Variants in SUGCT observed in about 807,000 individuals in gnomAD.
SUGCT encodes the protein succinyl-CoA:glutarate CoA-transferase.
A neutral mutation model predicts 55.0 loss-of-function variants in SUGCT; 41 were observed. That is an observed-to-expected ratio of 0.74 (90% CI 0.58 to 0.97). The LOEUF (loss-of-function observed/expected upper bound fraction) is 0.97. SUGCT is among the 50% of genes least tolerant of loss of function. SUGCT has a pLI of 0.00. For missense variants in SUGCT, 568 were observed against 547.8 expected (o/e 1.04, Z -0.37); for synonymous variants, 187 against 200.4 (o/e 0.93, Z 0.56).
chr7:40,734,886 C>A (rs903604110), intron 12 of SUGCT, among the ~76,000 whole-genome samples: 6 of 152,146 alleles, frequency 3.9e-5, no homozygotes, highest in Non-Finnish European at 7.4e-5. Flanking sequence ...CTCCCAAATT[C>A]TTGCCTAGAA....
At chr7:40,806,407 T>G (rs561858821) in intron 13 of SUGCT, among the ~76,000 whole-genome samples, 1 of 152,314 alleles carries the variant, frequency 6.6e-6, no homozygotes, top group African/African-American at 2.4e-5. Flanking sequence ...GAGATTCAAG[T>G]CAGCCTTAGT....
rs527972407 is a variant in SUGCT, at chr7:40,326,018, G to C, written c.816+9163G>C. On this transcript the variant is annotated intron_variant, in intron 9 of 13. Coordinates refer to ENST00000335693, the MANE Select transcript of SUGCT (RefSeq NM_001193313.2). ...GGTACCAAACCTAATAGCTGGCCTT[G>C]CTACAGAAGTATCTTTGAATTATGA... Among the ~76,000 whole-genome samples the C allele has an allele frequency of 1.1e-3, 173 of 150,526 alleles. 1 individual carries two copies. The highest frequency in any genetic ancestry group is 4.0e-3 in the African/African-American group (166 of 41,032).
chr7:40,581,366 T>C, intron 12 of SUGCT, among the ~76,000 whole-genome samples: 1 of 152,182 alleles, frequency 6.6e-6, no homozygotes, highest in Non-Finnish European at 1.5e-5. Context: ...AGGAGGTAGT[T>C]AGCCAGCTAA....
the SUGCT span, among the ~76,000 whole-genome samples, chr7:40,970,887 G>A: frequency 7.9e-5 from 12 of 152,144 alleles, no homozygotes; most frequent in Non-Finnish European, 1.5e-4. Flanking sequence ...TACATGCTGG[G>A]ACATCTTGTA....
the SUGCT span, among the ~76,000 whole-genome samples, chr7:40,970,328 T>C: frequency 6.6e-6 from 1 of 152,126 alleles, no homozygotes; most frequent in Non-Finnish European, 1.5e-5. Flanking sequence ...CTCGCCACCA[T>C]GCCCAGCTAA....
chr7:40,936,654 CT>C, the SUGCT span, among the ~76,000 whole-genome samples: 7,659 of 151,248 alleles, frequency 0.051, 195 homozygotes, highest in South Asian at 0.075. Context: ...GTTTAGTTAG[CT>C]TTTTTTTCTA....
chr7:40,593,285 G>A (rs78761507), intron 12 of SUGCT, among the ~76,000 whole-genome samples: 28 of 152,182 alleles, frequency 1.8e-4, no homozygotes, highest in East Asian at 5.8e-4. Flanking sequence ...ATTTCTCTCC[G>A]TTGCCTCCCC....
chr7:40,309,049 C>T lies in SUGCT; in HGVS notation c.721-7711C>T, dbSNP rs1386842988. Among the ~76,000 whole-genome samples, 3 of 152,136 alleles carry T rather than the reference C, an allele frequency of 2.0e-5. No homozygotes were observed. In the East Asian group the frequency reaches 5.8e-4, roughly 29 times the overall value. Reference sequence around the variant, plus strand: ...CTCCTAGATTTTCACAGGCCTTCTCCAGGTCTTAAGTTAAATATAACATCT... The same window carrying T: ...CTCCTAGATTTTCACAGGCCTTCTCTAGGTCTTAAGTTAAATATAACATCT... On this transcript the variant is annotated intron_variant, in intron 8 of 13. Transcript: ENST00000335693.
intron 13 of SUGCT, among the ~76,000 whole-genome samples, chr7:40,784,953 A>G (rs1584437376): frequency 6.6e-6 from 1 of 152,284 alleles, no homozygotes; most frequent in Middle Eastern, 3.4e-3. Flanking sequence ...ATGGACAGCA[A>G]AAATATTTTT....
intron 12 of SUGCT, among the ~76,000 whole-genome samples, chr7:40,693,444 T>A (rs1425303422): frequency 6.6e-6 from 1 of 152,114 alleles, no homozygotes; most frequent in African/African-American, 2.4e-5. Flanking sequence ...GGTAACCATA[T>A]AAGGTAGTGC....
At chr7:40,187,015 G>A (rs1397963833) in intron 3 of SUGCT, among the ~76,000 whole-genome samples, 2 of 152,156 alleles carry the variant, frequency 1.3e-5, no homozygotes, top group East Asian at 1.9e-4. Context: ...GTTCACAATA[G>A]CAAAGACTTG....
chr7:40,373,013 A>G (rs1047885719), intron 9 of SUGCT, among the ~76,000 whole-genome samples: 13 of 152,058 alleles, frequency 8.5e-5, no homozygotes, highest in African/African-American at 2.9e-4. Context: ...TTTGTGCTGT[A>G]TGTAAAAATT....
At chr7:40,242,462 A>G (rs2150894811) in intron 7 of SUGCT, among the ~76,000 whole-genome samples, 1 of 152,208 alleles carries the variant, frequency 6.6e-6, no homozygotes, top group African/African-American at 2.4e-5. Context: ...GTGAGCCACC[A>G]TGCCGAGCCT....
chr7:40,256,838 G>T (rs12701808), intron 7 of SUGCT, among the ~76,000 whole-genome samples: 14,584 of 152,102 alleles, frequency 0.096, 870 homozygotes, highest in Non-Finnish European at 0.14. Context: ...CCACCTCCCA[G>T]GTTCAAGTGA....
At chr7:40,523,817 T>A (rs1010282263) in intron 12 of SUGCT, among the ~76,000 whole-genome samples, 1 of 152,146 alleles carries the variant, frequency 6.6e-6, no homozygotes, top group African/African-American at 2.4e-5. Flanking sequence ...GTCTATATAT[T>A]TCTGGAGTAA....
intron 12 of SUGCT, among the ~76,000 whole-genome samples, chr7:40,568,027 A>G (rs180791953): frequency 1.3e-5 from 2 of 152,222 alleles, no homozygotes; most frequent in East Asian, 1.9e-4. Context: ...TTGAGTCTCA[A>G]TATAACTTGG....
At position 40,476,198 on chromosome 7, in the gene SUGCT, T is replaced by G. The variant is rs563316529; in HGVS notation, c.986+17000T>G. 3.3e-5 allele frequency among the ~76,000 whole-genome samples: 5 copies of G among 152,278 alleles called. No homozygotes were observed. In the East Asian group the frequency reaches 9.7e-4, roughly 29 times the overall value. On this transcript the variant is annotated intron_variant, in intron 11 of 13. Transcript: ENST00000335693. ...GTATATGTCTGTGTCTATGTCTATG[T>G]AAAGTACTTAAAACAGTGCCTTACA...
At chr7:40,753,236 A>G (rs998339397) in intron 13 of SUGCT, among the ~76,000 whole-genome samples, 1 of 152,178 alleles carries the variant, frequency 6.6e-6, no homozygotes, top group Non-Finnish European at 1.5e-5. Flanking sequence ...TTTACCTATG[A>G]TAGTTCTGCC....
At chr7:40,942,568 A>G in the SUGCT span, among the ~76,000 whole-genome samples, 12 of 152,180 alleles carry the variant, frequency 7.9e-5, no homozygotes, top group Non-Finnish European at 1.2e-4. Flanking sequence ...TGAATATCTT[A>G]GGAGTTCTCT....
Sources: allele counts gnomAD v4.1 joint callset (sites outside exome capture counted in the v4.1 genomes callset), GRCh38; gene constraint gnomAD v4.1.1; transcripts MANE v1.5; gene names NCBI Gene and HGNC (gene_info 2026-07-23, HGNC 2026-07-21).